Variants in GUCD1 observed in about 807,000 individuals in gnomAD.
The protein encoded by GUCD1 is guanylyl cyclase domain containing 1, also known as protein GUCD1.
Under a neutral mutation model 28.3 loss-of-function variants are expected in GUCD1, and 17 were observed. The observed-to-expected ratio is 0.60, with a 90% CI of 0.41 to 0.90. The LOEUF (loss-of-function observed/expected upper bound fraction) is 0.90, where lower values mean the gene tolerates loss of function less well. Ranked by LOEUF, GUCD1 falls within the 40% of genes least tolerant of loss-of-function variation. The pLI, the probability that GUCD1 is intolerant of heterozygous loss-of-function variation, is 0.00. For synonymous variants in GUCD1, 129 were observed against 123.3 expected, an observed-to-expected ratio of 1.05 and a Z score of -0.30; for missense variants, 279 against 305.5, an observed-to-expected ratio of 0.91 and a Z score of 0.65.
In GUCD1 at chr22:24,546,991, C is replaced by T. The variant is rs1291023758; in HGVS notation, c.309G>A (p.Lys103=). The T allele has an allele frequency of 6.2e-7, 1 of 1,613,886 alleles. No individual in the cohort carries two copies. The highest frequency in any genetic ancestry group is 8.5e-7 in the Non-Finnish European group (1 of 1,179,910). ...CCCGGGTCTCTTCTGTGTCAAAGTGCTTCCTGTAGAAGGACTGAACAGAGA... is the reference window on the plus strand; with the variant it reads ...CCCGGGTCTCTTCTGTGTCAAAGTGTTTCCTGTAGAAGGACTGAACAGAGA... The part of the protein sequence containing the change: ...KGYKNQSFYR[K]HFDTEETRVN... The change falls in exon 4 of 6, where the codon AAG becomes AAA. Residue 103 remains lysine, a synonymous_variant. Transcript: ENST00000435822.
At chr22:24,552,446 T>A (rs115823596) in intron 1 of GUCD1, among the ~76,000 whole-genome samples, 1 of 152,214 alleles carries the variant, frequency 6.6e-6, no homozygotes, top group Non-Finnish European at 1.5e-5. Flanking sequence ...GAATGTTTAA[T>A]AGTAACTCAA....
chr22:24,555,018 G>A lies in GUCD1; in HGVS notation c.-27C>T, dbSNP rs751067553. On this transcript the variant is annotated 5_prime_UTR_variant, in exon 1 of 6. Coordinates refer to ENST00000435822, the MANE Select transcript of GUCD1 (RefSeq NM_001284254.2). ...ACCCGGGCGGCGCGGGGCGCCCATG[G>A]CCCCGGCCCAGAGCGGGCTACAGCT... 1.4e-6 allele frequency: 2 copies of A among 1,477,296 alleles called. No individual in the cohort carries two copies. The highest frequency in any genetic ancestry group is 5.3e-5 in the Admixed American group (2 of 37,946). The allele number at this position is 1,477,296 out of a possible 1,614,324, so 91.5% of individuals were successfully genotyped here. A position where few individuals can be genotyped will look rare whatever the true frequency, so the allele number is the denominator to read the frequency against.
In GUCD1 at chr22:24,548,014, G is replaced by A. The variant is rs757392722; in HGVS notation, c.188C>T (p.Thr63Ile). 3 of 1,614,148 alleles carry A rather than the reference G, an allele frequency of 1.9e-6. No individual in the cohort carries two copies. Among genetic ancestry groups the A allele is most frequent in the Admixed American group, 3.3e-5 (2 of 60,032 alleles). The part of the protein sequence containing the change: ...FERALQKLQL[T>I]RSIWTIDLAY... The stretch of plus-strand genomic sequence containing the variant: ...CAGGTCGATGGTCCAGATGCTCCTG[G>A]TCAGCTGCAGCTTCTGCAGGGCTCT... Residue 63 changes from threonine (T) to isoleucine (I), a missense_variant, in exon 3 of 6, where the codon ACC becomes ATC. Thr to Ile is a moderately conservative substitution (Grantham distance 89). Transcript: ENST00000435822.
At chr22:24,551,416 C>T (rs2044870323) in intron 1 of GUCD1, among the ~76,000 whole-genome samples, 1 of 152,218 alleles carries the variant, frequency 6.6e-6, no homozygotes, top group Non-Finnish European at 1.5e-5. Flanking sequence ...GTAGGGATTC[C>T]CATTCAGTTT....
chr22:24,551,570 C>G (rs369168944), intron 1 of GUCD1, among the ~76,000 whole-genome samples: 158 of 152,350 alleles, frequency 1.0e-3, no homozygotes, highest in African/African-American at 3.6e-3. Context: ...GGCATCTGCA[C>G]GTGAGGATCC....
rs917018302 is a variant in GUCD1, at chr22:24,542,888, G to A, written c.*118C>T. The A allele has an allele frequency of 2.7e-6, 2 of 730,186 alleles. No individual in the cohort carries two copies. The highest frequency in any genetic ancestry group is 5.0e-5 in the East Asian group (2 of 39,786). 45.2% of individuals were successfully genotyped at this position (730,186 alleles called of 1,614,324 possible). Reference sequence around the variant, plus strand: ...TTCCTGGGACTCTGCCAGATGGGCTGAGGCTGCAGTTCCACATTCCAACCC... The same window carrying A: ...TTCCTGGGACTCTGCCAGATGGGCTAAGGCTGCAGTTCCACATTCCAACCC... On this transcript the variant is annotated 3_prime_UTR_variant, in exon 6 of 6. Coordinates refer to ENST00000435822, the MANE Select transcript of GUCD1 (RefSeq NM_001284254.2).
At position 24,544,066 on chromosome 22, in the gene GUCD1, T is replaced by A; in HGVS notation, c.404A>T (p.Asp135Val). 6.2e-7 allele frequency: 1 copy of A among 1,610,482 alleles called. No individual in the cohort carries two copies. Among genetic ancestry groups the A allele is most frequent in the Non-Finnish European group, 8.5e-7 (1 of 1,177,284 alleles). ...LVEKCTVSVK[D>V]IQAHLAQGHV... ...GCCCTGAGCCAGGTGCGCCTGGATGTCCTTCACACTCACTGTGCTGTGGGC... is the reference window on the plus strand; with the variant it reads ...GCCCTGAGCCAGGTGCGCCTGGATGACCTTCACACTCACTGTGCTGTGGGC... Residue 135 changes from aspartate to valine, a missense_variant, in exon 5 of 6, where the codon GAC (aspartate) becomes GTC (valine). Transcript: ENST00000435822.
intron 2 of GUCD1, 29 bp downstream of exon 2, chr22:24,548,888 C>A: frequency 6.6e-7 from 1 of 1,522,806 alleles, no homozygotes; most frequent in Non-Finnish European, 8.9e-7. Flanking sequence ...ATGGGAAGCA[C>A]CTGGGCCCCC....
At chr22:24,554,916 G>C (rs112063630) in intron 1 of GUCD1, 33 bp downstream of exon 1, 2 of 1,520,684 alleles carry the variant, frequency 1.3e-6, no homozygotes, top group Non-Finnish European at 9.0e-7. Flanking sequence ...TTCGTTCCTA[G>C]GGTGAAGACT....
chr22:24,546,998 TAGA>T lies in GUCD1; in HGVS notation c.299_301del (p.Phe100del), dbSNP rs1393572315. 6.2e-7 allele frequency: 1 copy of T among 1,613,584 alleles called. No individual in the cohort carries two copies. The highest frequency in any genetic ancestry group is 8.5e-7 in the Non-Finnish European group (1 of 1,179,532). ...CTCTTCTGTGTCAAAGTGCTTCCTG[TAGA>T]AGGACTGAACAGAGAAGAGGGGGAT... On this transcript the variant is annotated inframe_deletion, in exon 4 of 6. Coordinates refer to ENST00000435822, the MANE Select transcript of GUCD1 (RefSeq NM_001284254.2).
At chr22:24,555,285 A>G, upstream of GUCD1, 1 of 1,362,836 alleles carries the variant, frequency 7.3e-7, no homozygotes, top group East Asian at 2.8e-5. Context: ...CTCAGCGTTG[A>G]GTGGCCCCAC....
intron 2 of GUCD1, 143 bp from the exon 3 acceptor site, chr22:24,548,216 G>A (rs533387722): frequency 4.4e-6 from 3 of 685,604 alleles, no homozygotes; most frequent in East Asian, 2.7e-5. Flanking sequence ...CCTAGGTCCT[G>A]CCCACACACT....
In GUCD1 at chr22:24,549,890, T is replaced by A. The variant is rs150659314; in HGVS notation, c.44-889A>T. Among the ~76,000 whole-genome samples, 124 of 152,252 alleles carry A rather than the reference T, an allele frequency of 8.1e-4. 1 individual carries two copies. In the East Asian group the frequency reaches 0.023, roughly 28 times the overall value. On this transcript the variant is annotated intron_variant, in intron 1 of 5. Transcript: ENST00000435822. Reference sequence around the variant, plus strand: ...TGGGAGGCACTCAGCAGATAATGTATCTGAGTTCATGAGGCCCCTGGAGGT... The same window carrying A: ...TGGGAGGCACTCAGCAGATAATGTAACTGAGTTCATGAGGCCCCTGGAGGT...
In GUCD1 at chr22:24,543,846, G is replaced by T. The variant is rs148410926; in HGVS notation, c.624C>A (p.Ala208=). The change falls in exon 5 of 6, where the codon GCC becomes GCA. Residue 208 remains alanine (A), a synonymous_variant. Transcript: ENST00000435822. ...GCIFYNNPAY[A]DRMCSTSISN... is the part of the protein sequence containing the mutation. Reference sequence around the variant, plus strand: ...CCCACCCCACCCAGCACTCACGGTCGGCATAGGCTGGGTTGTTGTAGAAGA... The same window carrying T: ...CCCACCCCACCCAGCACTCACGGTCTGCATAGGCTGGGTTGTTGTAGAAGA... 4 of 1,613,844 alleles carry T rather than the reference G, an allele frequency of 2.5e-6. No individual in the cohort carries two copies. Among genetic ancestry groups the T allele is most frequent in the Non-Finnish European group, 3.4e-6 (4 of 1,179,836 alleles).
chr22:24,555,200 C>G, upstream of GUCD1: 2 of 1,309,944 alleles, frequency 1.5e-6, no homozygotes, highest in East Asian at 3.1e-5. Flanking sequence ...CCGCCCCCTC[C>G]TTAGGCCCCG....
chr22:24,547,860 TAC>T, intron 3 of GUCD1, 46 bp downstream of exon 3: 1 of 1,604,276 alleles, frequency 6.2e-7, no homozygotes, highest in Non-Finnish European at 8.5e-7. Flanking sequence ...GGTGGCCTTA[TAC>T]CTCTGTGTGG....
rs1273070718 is a variant in GUCD1 at position 24,542,864 on chromosome 22, T to G, written c.*142A>C. 3 of 665,486 alleles carry G rather than the reference T, an allele frequency of 4.5e-6. No homozygotes were observed. Among genetic ancestry groups the G allele is most frequent in the Non-Finnish European group, 5.4e-6 (2 of 367,710 alleles). 41.2% of individuals were successfully genotyped at this position (665,486 alleles called of 1,614,324 possible). ...AAAGCAGCTGTGCCAGTCTCCGAGT[T>G]CCTGGGACTCTGCCAGATGGGCTGA... On this transcript the variant is annotated 3_prime_UTR_variant, in exon 6 of 6. Coordinates refer to ENST00000435822, the MANE Select transcript of GUCD1 (RefSeq NM_001284254.2).
chr22:24,546,328 C>T lies in GUCD1; in HGVS notation c.386+586G>A, dbSNP rs540835988. ...TACGTCAATAATGAAAATATAAATC[C>T]GCAAAGAAAGGGAAAATCTGAGAAG... On this transcript the variant is annotated intron_variant, in intron 4 of 5. Transcript: ENST00000435822. 3.9e-5 allele frequency among the ~76,000 whole-genome samples: 6 copies of T among 152,220 alleles called. No individual in the cohort carries two copies. The East Asian group carries it at 1.2e-3, about 29-fold the overall frequency.
rs1195371751 is a variant in GUCD1 at position 24,542,813 on chromosome 22, C to T, written c.*193G>A. On this transcript the variant is annotated 3_prime_UTR_variant, in exon 6 of 6. Coordinates refer to ENST00000435822, the MANE Select transcript of GUCD1 (RefSeq NM_001284254.2). ...GCCAGCAGGTGCTTGGGGTGAGTGA[C>T]ATGACAACACACGGCACTGGCAGAC... 1.8e-6 allele frequency: 1 copy of T among 553,582 alleles called. No individual in the cohort carries two copies. The highest frequency in any genetic ancestry group is 1.9e-5 in the African/African-American group (1 of 52,522). The allele number at this position is 553,582 out of a possible 1,614,324, so 34.3% of individuals were successfully genotyped here.
Sources: gnomAD v4.1 joint callset for allele counts (sites outside exome capture counted in the v4.1 genomes callset) on GRCh38, gnomAD v4.1.1 for gene constraint, MANE v1.5 for transcripts, NCBI Gene and HGNC (gene_info 2026-07-23, HGNC 2026-07-21) for gene names.